MIOS: variants seen among roughly 807,000 people sequenced by gnomAD.
The protein encoded by MIOS is GATOR2 complex protein MIOS.
A neutral mutation model predicts 96.9 loss-of-function variants in MIOS; 52 were observed. The ratio of observed to expected loss-of-function variants is 0.54; its 90% CI spans 0.43 to 0.68. The LOEUF is 0.68. MIOS is among the 30% of genes least tolerant of loss of function. MIOS has a pLI of 0.00. For synonymous variants in MIOS, 397 were observed against 359.5 expected, an observed-to-expected ratio of 1.10 and a Z score of -1.18; for missense variants, 1,005 against 1,052.8, an observed-to-expected ratio of 0.95 and a Z score of 0.63.
chr7:7,590,575 G>A (rs1344598957), intron 9 of MIOS, among the ~76,000 whole-genome samples: 1 of 152,064 alleles, frequency 6.6e-6, no homozygotes, highest in Non-Finnish European at 1.5e-5. Context: ...ATATGGTCAT[G>A]GTTAAGTCTA....
At chr7:7,579,164 G>A (rs541874435) in intron 5 of MIOS, among the ~76,000 whole-genome samples, 3 of 151,878 alleles carry the variant, frequency 2.0e-5, no homozygotes, top group South Asian at 2.1e-4. Context: ...ATTTTACTTC[G>A]TTTTCAGAGA....
chr7:7,572,738 T>C lies in MIOS; in HGVS notation c.263T>C (p.Val88Ala). Residue 88 changes from valine to alanine, a missense_variant, in exon 4 of 13, where the codon GTA becomes GCA. Physicochemically the swap from Val to Ala is moderately conservative, Grantham distance 64. This residue lies in a region of MIOS where 137 missense variants were observed against 148.6 expected (regional missense o/e 0.92). Coordinates refer to ENST00000340080, the MANE Select transcript of MIOS (RefSeq NM_019005.4). The surrounding 1 kb of genome is among the most constrained non-coding windows in gnomAD (Gnocchi z 4.8). ...GTTGGACAAGCAAATGGTCGAGTTG[T>C]ACTTACAAGCCTTGGTCAAGATCAT... ...LAVGQANGRV[V>A]LTSLGQDHNS... 6.2e-7 allele frequency: 1 copy of C among 1,614,178 alleles called. No individual in the cohort carries two copies. The highest frequency in any genetic ancestry group is 8.5e-7 in the Non-Finnish European group (1 of 1,180,012).
rs977246327 is a variant in MIOS at position 7,605,728 on chromosome 7, T to C, written c.2402-214T>C. 8 of 422,570 alleles carry C rather than the reference T, an allele frequency of 1.9e-5. No individual in the cohort carries two copies. In the South Asian group the frequency reaches 2.5e-4, roughly 13 times the overall value. The allele number at this position is 422,570 out of a possible 1,614,324, so 26.2% of individuals were successfully genotyped here. A position where few individuals can be genotyped will look rare whatever the true frequency, so the allele number is the denominator to read the frequency against. On this transcript the variant is annotated intron_variant, in intron 11 of 12. Transcript: ENST00000340080. Reference sequence around the variant, plus strand: ...TAGATTGTTTCTTAGTGGGTTTGGATTTTTTTTTCCATTTTTATATTGGCT... The same window carrying C: ...TAGATTGTTTCTTAGTGGGTTTGGACTTTTTTTTCCATTTTTATATTGGCT...
intron 11 of MIOS, among the ~76,000 whole-genome samples, chr7:7,599,215 T>C (rs563278601): frequency 1.4e-4 from 21 of 152,292 alleles, no homozygotes; most frequent in African/African-American, 5.1e-4. Context: ...TGTTCAGAAT[T>C]GATGTGAGGC....
At chr7:7,594,912 C>T (rs1192200260) in intron 9 of MIOS, 68 bp from the exon 10 acceptor site, 4 of 1,121,918 alleles carry the variant, frequency 3.6e-6, no homozygotes, top group Non-Finnish European at 3.6e-6. Flanking sequence ...TACTTACATG[C>T]TACCCAGAAG....
intron 11 of MIOS, among the ~76,000 whole-genome samples, chr7:7,604,831 C>A (rs554755614): frequency 2.7e-4 from 41 of 152,236 alleles, no homozygotes; most frequent in Non-Finnish European, 5.1e-4. Flanking sequence ...GTTACAAAAA[C>A]AAAGTGACAA....
Position 7,589,537 on chromosome 7 carries a change from C to G in MIOS, c.2017C>G (p.Gln673Glu), listed in dbSNP as rs771853815. The change falls in exon 9 of 13, where the codon CAA (glutamine) becomes GAA (glutamate). Residue 673 changes from glutamine (Q) to glutamate (E), a missense_variant. Coordinates refer to ENST00000340080, the MANE Select transcript of MIOS (RefSeq NM_019005.4). ...TTATGTTGATAGAACTGGAGATGTT[C>G]AAACAGCAAGTTACTGTATGTTACA... is the stretch of plus-strand genomic sequence containing the variant. The part of the protein sequence containing the change: ...ESYVDRTGDV[Q>E]TASYCMLQGS... 3 of 1,612,172 alleles carry G rather than the reference C, an allele frequency of 1.9e-6. No individual in the cohort carries two copies. The highest frequency in any genetic ancestry group is 2.5e-6 in the Non-Finnish European group (3 of 1,178,840).
chr7:7,580,719 C>G (rs1461017068), intron 5 of MIOS, among the ~76,000 whole-genome samples: 6 of 127,672 alleles, frequency 4.7e-5, no homozygotes, highest in Non-Finnish European at 9.5e-5. Context: ...TTTAAAGAGA[C>G]AGAATCTCAC....
chr7:7,579,354 C>T (rs1783638522), intron 5 of MIOS, among the ~76,000 whole-genome samples: 1 of 152,118 alleles, frequency 6.6e-6, no homozygotes, highest in African/African-American at 2.4e-5. Context: ...ATATTTCTAC[C>T]TCCTAGCAGT....
intron 9 of MIOS, among the ~76,000 whole-genome samples, chr7:7,591,683 A>C (rs1784052436): frequency 6.6e-6 from 1 of 152,112 alleles, no homozygotes; most frequent in South Asian, 2.1e-4. Context: ...GGTTTCTTCC[A>C]AGATTTTTCC....
chr7:7,567,185 C>G (rs537933133), intron 1 of MIOS, 113 bp downstream of exon 1: 5 of 152,226 alleles, frequency 3.3e-5, no homozygotes, highest in South Asian at 4.1e-4. Context: ...GGAGCGCGTT[C>G]CGCGCTGTAG....
At chr7:7,580,617 G>T (rs1783681146) in intron 5 of MIOS, among the ~76,000 whole-genome samples, 1 of 151,210 alleles carries the variant, frequency 6.6e-6, no homozygotes, top group African/African-American at 2.4e-5. Flanking sequence ...CCTAAAATCA[G>T]ATAATCACAC....
At position 7,573,372 on chromosome 7, in the gene MIOS, G is replaced by C; in HGVS notation, c.897G>C (p.Gln299His). ...DSNIIRLYDM[Q>H]HTPTPIGDET... ...ATATTATTAGATTGTATGATATGCA[G>C]CATACACCCACTCCCATTGGGGATG... The change falls in exon 4 of 13, where the codon CAG (glutamine) becomes CAC (histidine). Residue 299 changes from glutamine (Q) to histidine (H), a missense_variant. By Grantham distance (24) the Gln-to-His change is conservative (BLOSUM62 0). This residue lies in a region of MIOS where 865 missense variants were observed against 887.9 expected (regional missense o/e 0.97). Transcript: ENST00000340080. This position sits in a 1 kb window ranked among gnomAD's most constrained non-coding sequence, Gnocchi z 5.0. 1 of 1,614,034 alleles carries C rather than the reference G, an allele frequency of 6.2e-7. No individual in the cohort carries two copies. The highest frequency in any genetic ancestry group is 8.5e-7 in the Non-Finnish European group (1 of 1,179,904).
At chr7:7,576,178 A>T (rs1783525278) in intron 5 of MIOS, among the ~76,000 whole-genome samples, 1 of 152,156 alleles carries the variant, frequency 6.6e-6, no homozygotes, top group Non-Finnish European at 1.5e-5. Context: ...ATGTTACTTT[A>T]ATTTTTACAA....
At chr7:7,578,515 C>CA (rs1309427610) in intron 5 of MIOS, among the ~76,000 whole-genome samples, 1 of 151,950 alleles carries the variant, frequency 6.6e-6, no homozygotes, top group Non-Finnish European at 1.5e-5. Context: ...AACAAACAAA[C>CA]AAAAAGGTAA....
chr7:7,600,925 G>A (rs180715897), intron 11 of MIOS, among the ~76,000 whole-genome samples: 7 of 152,128 alleles, frequency 4.6e-5, no homozygotes, highest in Admixed American at 2.0e-4. Context: ...ACTCCAAACC[G>A]CTCAACTACA....
At chr7:7,570,029 G>A (rs1435480235) in intron 3 of MIOS, among the ~76,000 whole-genome samples, 1 of 133,104 alleles carries the variant, frequency 7.5e-6, no homozygotes, top group East Asian at 2.5e-4. Context: ...TTTTAAGCAA[G>A]GAAGGATAGC....
rs1272429801 is a variant in MIOS at position 7,588,513 on chromosome 7, G to A, written c.1834G>A (p.Ala612Thr). Residue 612 changes from alanine to threonine, a missense_variant, in exon 8 of 13, where the codon GCA (alanine) becomes ACA (threonine). Physicochemically the swap from Ala to Thr is moderately conservative, Grantham distance 58. Coordinates refer to ENST00000340080, the MANE Select transcript of MIOS (RefSeq NM_019005.4). ...TTCTTTCCAGTATGAAAACAAAGTT[G>A]CAGTACGTGACAGAGTGGCATTTGC... ...YDGVLYENKV[A>T]VRDRVAFACK... The A allele has an allele frequency of 5.7e-6, 9 of 1,582,422 alleles. No homozygotes were observed. The highest frequency in any genetic ancestry group is 1.7e-5 in the Admixed American group (1 of 58,046).
intron 7 of MIOS, 41 bp downstream of exon 7, chr7:7,585,846 A>T: frequency 3.3e-6 from 5 of 1,511,916 alleles, no homozygotes; most frequent in Non-Finnish European, 4.5e-6. Context: ...TTGAATTAAG[A>T]TAGGAGTTTT....
Sources: allele counts gnomAD v4.1 joint callset (sites outside exome capture counted in the v4.1 genomes callset), GRCh38; gene constraint gnomAD v4.1.1; regional missense constraint gnomAD v4.1.1; non-coding constraint Gnocchi (gnomAD v3.1); transcripts MANE v1.5; gene names NCBI Gene and HGNC (gene_info 2026-07-23, HGNC 2026-07-21).